Variants in SMG6 observed in about 807,000 individuals in gnomAD.
The protein encoded by SMG6 is SMG6 nonsense mediated mRNA decay factor.
Under a neutral mutation model 142.2 loss-of-function variants are expected in SMG6, and 66 were observed. The ratio of observed to expected loss-of-function variants is 0.46; its 90% CI spans 0.38 to 0.57. The LOEUF (loss-of-function observed/expected upper bound fraction) is 0.57. Ranked by LOEUF, SMG6 falls within the 20% of genes least tolerant of loss-of-function variation. The pLI is 0.00. For synonymous variants in SMG6, 779 were observed against 702.4 expected (o/e 1.11, Z -1.72); for missense variants, 1,793 against 1,832.0 (o/e 0.98, Z 0.39).
chr17:2,160,702 C>T (rs1165493080), intron 13 of SMG6, among the ~76,000 whole-genome samples: 2 of 152,050 alleles, frequency 1.3e-5, no homozygotes, highest in Admixed American at 6.6e-5. Context: ...TGATGGCGTG[C>T]GCCTATAGTC....
intron 8 of SMG6, among the ~76,000 whole-genome samples, chr17:2,280,369 T>C (rs1332075557): frequency 6.6e-6 from 1 of 152,078 alleles, no homozygotes; most frequent in Non-Finnish European, 1.5e-5. Context: ...TTCAAGCAAC[T>C]CTCCTGCCTC....
At chr17:2,097,355 T>C (rs1247846184) in intron 13 of SMG6, among the ~76,000 whole-genome samples, 1 of 151,944 alleles carries the variant, frequency 6.6e-6, no homozygotes, top group African/African-American at 2.4e-5. Context: ...TGGCTGGTCT[T>C]GAACTCTTGG....
intron 16 of SMG6, among the ~76,000 whole-genome samples, chr17:2,067,066 A>C (rs904824420): frequency 2.2e-4 from 34 of 152,214 alleles, no homozygotes; most frequent in African/African-American, 7.2e-4. Context: ...CCTCTGGGAG[A>C]GTCCAGGAGC....
At chr17:2,265,655 T>C (rs937379827) in intron 8 of SMG6, among the ~76,000 whole-genome samples, 3 of 152,150 alleles carry the variant, frequency 2.0e-5, no homozygotes, top group African/African-American at 7.2e-5. Flanking sequence ...TCACAGAAAA[T>C]AATTTAGGCT....
At chr17:2,203,846 A>G (rs1038861470) in intron 10 of SMG6, among the ~76,000 whole-genome samples, 1 of 152,212 alleles carries the variant, frequency 6.6e-6, no homozygotes, top group Non-Finnish European at 1.5e-5. Context: ...AGGGAGGGAT[A>G]ATGCCTGCAG....
At position 2,300,352 on chromosome 17, in the gene SMG6, A is replaced by G. The variant is rs769829637; in HGVS notation, c.401T>C (p.Ile134Thr). ...GTCGGGTTTCTTTGTTCTTTTGATA[A>G]TTTTTAGACTACGATCCTCTTGTCC... is the stretch of plus-strand genomic sequence containing the variant. ...TAGQEDRSLK[I>T]IKRTKKPDLQ... The change falls in exon 2 of 19, where the codon ATT (isoleucine) becomes ACT (threonine). Residue 134 changes from isoleucine (I) to threonine (T), a missense_variant. Coordinates refer to ENST00000263073, the MANE Select transcript of SMG6 (RefSeq NM_017575.5). 5.9e-5 allele frequency: 96 copies of G among 1,613,640 alleles called. No homozygotes were observed. In the South Asian group the frequency reaches 6.3e-4, roughly 11 times the overall value.
intron 8 of SMG6, among the ~76,000 whole-genome samples, chr17:2,278,059 T>A (rs1382522975): frequency 6.6e-6 from 1 of 151,986 alleles, no homozygotes; most frequent in African/African-American, 2.4e-5. Context: ...CAAAAAAAAA[T>A]TTTATAATGC....
chr17:2,219,263 T>C (rs958313114), intron 10 of SMG6, among the ~76,000 whole-genome samples: 1 of 152,198 alleles, frequency 6.6e-6, no homozygotes, highest in Admixed American at 6.5e-5. Flanking sequence ...CGGGCACCTG[T>C]AGTCCCAGCT....
rs1452416295 is a variant in SMG6, at chr17:2,065,664, T to C, written c.3851A>G (p.Asp1284Gly). Residue 1284 changes from aspartate (D) to glycine (G), a missense_variant, in exon 17 of 19, where the codon GAC becomes GGC. This residue lies in a region of SMG6 where 179 missense variants were observed against 212.6 expected (regional missense o/e 0.84). Coordinates refer to ENST00000263073, the MANE Select transcript of SMG6 (RefSeq NM_017575.5). ...VVPLIVINEL[D>G]GLAKGQETDH... ...TGTCTCCTGCCCCTTGGCCAGGCCG[T>C]CCAGCTCATTGATCACTGATGAGAT... 6.2e-7 allele frequency: 1 copy of C among 1,612,716 alleles called. No individual in the cohort carries two copies.
chr17:2,127,280 C>T (rs1356534574), intron 13 of SMG6: 6 of 392,938 alleles, frequency 1.5e-5, no homozygotes, highest in Non-Finnish European at 2.9e-5. Context: ...ATGGTTACGG[C>T]GTTTGGAATG....
intron 13 of SMG6, among the ~76,000 whole-genome samples, chr17:2,092,619 T>G (rs953568581): frequency 2.8e-4 from 43 of 152,184 alleles, no homozygotes; most frequent in Admixed American, 2.8e-3. Flanking sequence ...CACGTATATT[T>G]GGCTACTAGG....
chr17:2,099,512 C>G (rs1331670679), intron 13 of SMG6, among the ~76,000 whole-genome samples: 1 of 151,952 alleles, frequency 6.6e-6, no homozygotes, highest in Non-Finnish European at 1.5e-5. Context: ...ACATCCACAT[C>G]TGAAGAACCC....
At chr17:2,271,926 T>G (rs571538378) in intron 8 of SMG6, among the ~76,000 whole-genome samples, 3 of 152,308 alleles carry the variant, frequency 2.0e-5, no homozygotes, top group South Asian at 2.1e-4. Context: ...GGGTAAAAGA[T>G]TCAGTCAATC....
intron 13 of SMG6, among the ~76,000 whole-genome samples, chr17:2,114,133 G>A (rs1852062276): frequency 6.6e-6 from 1 of 152,140 alleles, no homozygotes; most frequent in African/African-American, 2.4e-5. Context: ...AGCTGGGCAC[G>A]GTGGCGCATG....
At chr17:2,077,390 G>T (rs1026339404) in intron 15 of SMG6, among the ~76,000 whole-genome samples, 1 of 152,190 alleles carries the variant, frequency 6.6e-6, no homozygotes. Flanking sequence ...GACCAGGGGG[G>T]GCTTCACTGG....
chr17:2,118,262 G>A (rs2069568899), intron 13 of SMG6, among the ~76,000 whole-genome samples: 1 of 152,096 alleles, frequency 6.6e-6, no homozygotes, highest in South Asian at 2.1e-4. Context: ...ACAGGAATGG[G>A]CGCAGTGGCT....
chr17:2,183,239 G>A (rs2151678466), intron 12 of SMG6, among the ~76,000 whole-genome samples: 1 of 150,814 alleles, frequency 6.6e-6, no homozygotes, highest in South Asian at 2.1e-4. Context: ...AAGGTAGGAA[G>A]GCAGGAAGGG....
At chr17:2,276,047 G>C (rs1255072594) in intron 8 of SMG6, among the ~76,000 whole-genome samples, 1 of 152,200 alleles carries the variant, frequency 6.6e-6, no homozygotes, top group Non-Finnish European at 1.5e-5. Flanking sequence ...TAAGCAGTCT[G>C]TATTAGAAAT....
In SMG6 at chr17:2,060,801, C is replaced by T. The variant is rs192262828; in HGVS notation, c.*691G>A. 108 of 152,608 alleles carry T rather than the reference C, an allele frequency of 7.1e-4. 1 individual carries two copies. Among genetic ancestry groups the T allele is most frequent in the East Asian group, 2.9e-3 (15 of 5,172 alleles). 9.5% of individuals were successfully genotyped at this position (152,608 alleles called of 1,614,324 possible). A position where few individuals can be genotyped will look rare whatever the true frequency, so the allele number is the denominator to read the frequency against. On this transcript the variant is annotated 3_prime_UTR_variant, in exon 19 of 19. Coordinates refer to ENST00000263073, the MANE Select transcript of SMG6 (RefSeq NM_017575.5). ...TTTCCTCTAGACTCATGACTGTCCA[C>T]GGGGACGCAACTGGCGAAGTGTGAG... is the stretch of plus-strand genomic sequence containing the variant.
Sources: gnomAD v4.1 joint callset for allele counts (sites outside exome capture counted in the v4.1 genomes callset) on GRCh38, gnomAD v4.1.1 for gene constraint, gnomAD v4.1.1 regional missense constraint, MANE v1.5 for transcripts, NCBI Gene and HGNC (gene_info 2026-07-23, HGNC 2026-07-21) for gene names.